PDE9A: variants seen among roughly 807,000 people sequenced by gnomAD.
PDE9A encodes phosphodiesterase 9A.
Under a neutral mutation model 87.4 loss-of-function variants are expected in PDE9A, and 60 were observed. The ratio of observed to expected loss-of-function variants is 0.69; its 90% CI spans 0.56 to 0.85. The LOEUF is 0.85. PDE9A is among the 40% of genes least tolerant of loss of function. PDE9A has a pLI of 0.00. For missense variants in PDE9A, 665 were observed against 779.0 expected, an observed-to-expected ratio of 0.85 and a Z score of 1.74; for synonymous variants, 272 against 279.4, an observed-to-expected ratio of 0.97 and a Z score of 0.27.
At chr21:42,744,272 G>A (rs2053613086) in intron 8 of PDE9A, among the ~76,000 whole-genome samples, 1 of 152,162 alleles carries the variant, frequency 6.6e-6, no homozygotes, top group Admixed American at 6.5e-5. Context: ...AGAATCGCTT[G>A]AACCCAGGAG....
intron 14 of PDE9A, 54 bp downstream of exon 14, chr21:42,762,293 C>A: frequency 1.3e-6 from 2 of 1,558,790 alleles, no homozygotes; most frequent in Non-Finnish European, 1.8e-6. Context: ...AGGGACAGAG[C>A]AGCCCCCACT....
At chr21:42,735,801 G>A (rs973761302) in intron 7 of PDE9A, among the ~76,000 whole-genome samples, 1 of 152,166 alleles carries the variant, frequency 6.6e-6, no homozygotes, top group Non-Finnish European at 1.5e-5. Context: ...CCATTCACAA[G>A]TTCCAGGGAG....
At chr21:42,725,642 CT>C (rs1383441438) in intron 4 of PDE9A, among the ~76,000 whole-genome samples, 5 of 152,226 alleles carry the variant, frequency 3.3e-5, no homozygotes, top group Non-Finnish European at 5.9e-5. Context: ...GCACAACCCC[CT>C]GGCATCCATC....
At chr21:42,670,541 CGT>C (rs2058470790) in intron 1 of PDE9A, among the ~76,000 whole-genome samples, 2 of 151,630 alleles carry the variant, frequency 1.3e-5, no homozygotes, top group Non-Finnish European at 2.9e-5. Context: ...TTCACACTCA[CGT>C]ACACTTACCC....
chr21:42,768,332 T>C (rs757616655), intron 16 of PDE9A, 40 bp downstream of exon 16: 1 of 1,277,124 alleles, frequency 7.8e-7, no homozygotes, highest in Non-Finnish European at 1.1e-6. Context: ...CAGCCACTCT[T>C]ATTAGCCCCA....
intron 14 of PDE9A, among the ~76,000 whole-genome samples, chr21:42,762,761 C>T (rs1255935667): frequency 6.6e-6 from 1 of 152,094 alleles, no homozygotes; most frequent in African/African-American, 2.4e-5. Context: ...GGCAGGATCT[C>T]GGCTCACTGC....
chr21:42,655,835 C>A (rs2057021370), intron 1 of PDE9A, among the ~76,000 whole-genome samples: 1 of 151,634 alleles, frequency 6.6e-6, no homozygotes, highest in African/African-American at 2.4e-5. Context: ...CCCATCTCCA[C>A]GAGGTCTGTT....
chr21:42,686,148 A>T, intron 1 of PDE9A, 44 bp from the exon 2 acceptor site: 1 of 1,489,854 alleles, frequency 6.7e-7, no homozygotes, highest in Non-Finnish European at 9.4e-7. Context: ...CTCCAGGGAG[A>T]CCCGCCGCCC....
rs10710961 is a variant in PDE9A, at chr21:42,684,982, TAA to T, written c.70-1197_70-1196del. On this transcript the variant is annotated intron_variant, in intron 1 of 19. Coordinates refer to ENST00000291539, the MANE Select transcript of PDE9A (RefSeq NM_002606.3). ...AGAAAAAAGAAAACTAATCTTAGCTTAAAAAAAAAAAAAATGGTGCGCTGGGC... is the reference window on the plus strand; with the variant it reads ...AGAAAAAAGAAAACTAATCTTAGCTTAAAAAAAAAAAATGGTGCGCTGGGC... Among the ~76,000 whole-genome samples, 279 of 146,592 alleles carry T rather than the reference TAA, an allele frequency of 1.9e-3. 1 individual carries two copies. Among genetic ancestry groups the T allele is most frequent in the Middle Eastern group, 3.6e-3 (1 of 278 alleles).
chr21:42,713,288 C>A (rs1602211520), intron 4 of PDE9A, among the ~76,000 whole-genome samples: 1 of 152,164 alleles, frequency 6.6e-6, no homozygotes, highest in Non-Finnish European at 1.5e-5. Flanking sequence ...GTGTGCACCA[C>A]CACACCAGAT....
intron 9 of PDE9A, among the ~76,000 whole-genome samples, chr21:42,752,926 G>C (rs567867556): frequency 6.6e-6 from 1 of 152,296 alleles, no homozygotes; most frequent in South Asian, 2.1e-4. Context: ...TTCCAGACAG[G>C]AGCATCTCAG....
At chr21:42,774,964 C>T (rs933026657) in intron 19 of PDE9A, among the ~76,000 whole-genome samples, 4 of 148,560 alleles carry the variant, frequency 2.7e-5, no homozygotes, top group Non-Finnish European at 4.5e-5. Flanking sequence ...TTTTGTGAGA[C>T]GGAGTCTCGC....
chr21:42,760,245 A>G lies in PDE9A; in HGVS notation c.898-83A>G, dbSNP rs765423573. The G allele has an allele frequency of 2.5e-5, 20 of 785,036 alleles. No individual in the cohort carries two copies. Among genetic ancestry groups the G allele is most frequent in the Non-Finnish European group, 4.2e-5 (19 of 450,298 alleles). The allele number at this position is 785,036 out of a possible 1,614,324, so 48.6% of individuals were successfully genotyped here. ...GGGTTTGGCAGAGAATGTTCAAACC[A>G]GCGCACAGCCTTCTGGGTGGCTTTG... On this transcript the variant is annotated intron_variant, in intron 11 of 19. Transcript: ENST00000291539. The surrounding 1 kb of genome is among the most constrained non-coding windows in gnomAD (Gnocchi z 5.2).
rs1202009433 is a variant in PDE9A at position 42,702,970 on chromosome 21, G to A, written c.262+3959G>A. ...GCTGGGTCGAGATCACGAAAGGGAAGTGGCAGCAAAGGTGGAGGCAGAGAA... is the reference window on the plus strand; with the variant it reads ...GCTGGGTCGAGATCACGAAAGGGAAATGGCAGCAAAGGTGGAGGCAGAGAA... On this transcript the variant is annotated intron_variant, in intron 4 of 19. Transcript: ENST00000291539. This position sits in a 1 kb window ranked among gnomAD's most constrained non-coding sequence, Gnocchi z 4.9. 6.6e-6 allele frequency among the ~76,000 whole-genome samples: 1 copy of A among 152,246 alleles called. No individual in the cohort carries two copies. The highest frequency in any genetic ancestry group is 1.5e-5 in the Non-Finnish European group (1 of 68,050).
chr21:42,699,528 G>A (rs1306889573), intron 4 of PDE9A, among the ~76,000 whole-genome samples: 16 of 151,714 alleles, frequency 1.1e-4, no homozygotes, highest in South Asian at 4.2e-4. Context: ...TACTTGGGCC[G>A]CTGTGTTACA....
At chr21:42,666,116 C>A (rs569403961) in intron 1 of PDE9A, among the ~76,000 whole-genome samples, 39 of 152,278 alleles carry the variant, frequency 2.6e-4, no homozygotes, top group Admixed American at 5.2e-4. Context: ...GGGGGCGTGG[C>A]CACCAGTGCA....
At chr21:42,731,746 C>T (rs1370302528) in intron 4 of PDE9A, 24 bp from the exon 5 acceptor site, 3 of 1,601,088 alleles carry the variant, frequency 1.9e-6, no homozygotes, top group Admixed American at 3.5e-5. Flanking sequence ...TATTTGGAAA[C>T]CCAGTCCTGC....
chr21:42,732,001 G>T, intron 5 of PDE9A, 52 bp downstream of exon 5: 4 of 1,611,352 alleles, frequency 2.5e-6, no homozygotes, highest in Non-Finnish European at 3.4e-6. Flanking sequence ...CGTGGGATTC[G>T]GGCTGCAATG....
intron 10 of PDE9A, 78 bp from the exon 11 acceptor site, chr21:42,758,921 C>T (rs1251121767): frequency 6.3e-6 from 7 of 1,106,478 alleles, no homozygotes; most frequent in Non-Finnish European, 9.6e-6. Context: ...ACTCCGAGGA[C>T]AGCAGAGGGA....
Sources: gnomAD v4.1 joint callset for allele counts (sites outside exome capture counted in the v4.1 genomes callset) on GRCh38, gnomAD v4.1.1 for gene constraint, Gnocchi (gnomAD v3.1) non-coding constraint, MANE v1.5 for transcripts, NCBI Gene and HGNC (gene_info 2026-07-23, HGNC 2026-07-21) for gene names.